RFX3: variants seen among roughly 807,000 people sequenced by gnomAD.
RFX3 encodes regulatory factor X3.
In RFX3, 14 loss-of-function variants were observed where a neutral mutation model predicts 98.6. The ratio of observed to expected loss-of-function variants is 0.14; its 90% CI spans 0.09 to 0.22. The LOEUF is 0.22. Ranked by LOEUF, RFX3 falls within the 10% of genes least tolerant of loss-of-function variation. RFX3 has a pLI of 1.00. For synonymous variants in RFX3, 383 were observed against 328.4 expected, an observed-to-expected ratio of 1.17 and a Z score of -1.80; for missense variants, 639 against 926.9, an observed-to-expected ratio of 0.69 and a Z score of 4.03.
At chr9:3,462,209 C>G (rs1847757793) in intron 1 of RFX3, among the ~76,000 whole-genome samples, 1 of 152,030 alleles carries the variant, frequency 6.6e-6, no homozygotes, top group Non-Finnish European at 1.5e-5. Flanking sequence ...TCAAACCCAG[C>G]AACATACATA....
rs1215839407 is a variant in RFX3, at chr9:3,504,161, TTATA to T, written c.-9+21582_-9+21585del. Among the ~76,000 whole-genome samples, 21 of 93,098 alleles carry T rather than the reference TTATA, an allele frequency of 2.3e-4. No individual in the cohort carries two copies. In the South Asian group the frequency reaches 5.1e-3, roughly 23 times the overall value. The allele number at this position is 93,098 out of a possible 152,430, so 61.1% of individuals were successfully genotyped here. A position where few individuals can be genotyped will look rare whatever the true frequency, so the allele number is the denominator to read the frequency against. ...TATTATATATTATACATATTATATA[TTATA>T]TATATTATATATTATACATATTATA... On this transcript the variant is annotated intron_variant, in intron 1 of 16. Coordinates refer to ENST00000617270, the MANE Select transcript of RFX3 (RefSeq NM_001282116.2).
rs541958505 is a variant in RFX3 at position 3,371,960 on chromosome 9, C to A, written c.117+23512G>T. Among the ~76,000 whole-genome samples the A allele has an allele frequency of 1.4e-4, 21 of 152,240 alleles. No individual in the cohort carries two copies. The South Asian group carries it at 3.9e-3, about 29-fold the overall frequency. ...AACAGAGGTGGCTATAAATTCATAT[C>A]TTTGAAAATGTTTAGCCACAATAGA... On this transcript the variant is annotated intron_variant, in intron 2 of 16. Coordinates refer to ENST00000617270, the MANE Select transcript of RFX3 (RefSeq NM_001282116.2).
intron 4 of RFX3, among the ~76,000 whole-genome samples, chr9:3,311,444 T>A (rs573431782): frequency 2.0e-4 from 31 of 152,228 alleles, no homozygotes; most frequent in African/African-American, 6.3e-4. Flanking sequence ...AAGAGGAGGG[T>A]ACATCCTATA....
At chr9:3,398,914 T>TAAAAAAAAAAAA (rs71324247) in intron 1 of RFX3, among the ~76,000 whole-genome samples, 21 of 67,542 alleles carry the variant, frequency 3.1e-4, no homozygotes, top group African/African-American at 4.8e-4. Context: ...TAGAGTATAA[T>TAAAAAAAAAAAA]AAAAAAAAAA....
At chr9:3,513,102 G>C (rs1192185286) in intron 1 of RFX3, among the ~76,000 whole-genome samples, 1 of 151,982 alleles carries the variant, frequency 6.6e-6, no homozygotes, top group Non-Finnish European at 1.5e-5. Flanking sequence ...AACCAAAATA[G>C]TACTGCACTA....
At chr9:3,313,966 G>A (rs951708890) in intron 4 of RFX3, among the ~76,000 whole-genome samples, 1 of 152,202 alleles carries the variant, frequency 6.6e-6, no homozygotes, top group Non-Finnish European at 1.5e-5. Context: ...TTATCCAGGA[G>A]AACTTCCCCA....
At chr9:3,504,255 T>C (rs1346323414) in intron 1 of RFX3, among the ~76,000 whole-genome samples, 1 of 132,582 alleles carries the variant, frequency 7.5e-6, no homozygotes, top group African/African-American at 2.9e-5. Flanking sequence ...ATATTTTATA[T>C]ATAATATATA....
chr9:3,388,553 T>C (rs1244382931), intron 2 of RFX3, among the ~76,000 whole-genome samples: 1 of 152,096 alleles, frequency 6.6e-6, no homozygotes, highest in African/African-American at 2.4e-5. Flanking sequence ...ACTCAGATTA[T>C]GAACAAAGTG....
chr9:3,220,824 C>CT lies in RFX3; in HGVS notation c.*4217dup, dbSNP rs1392054879. On this transcript the variant is annotated 3_prime_UTR_variant, in exon 17 of 17. Coordinates refer to ENST00000617270, the MANE Select transcript of RFX3 (RefSeq NM_001282116.2). ...ACTAGAACTAAGCACTGAATTAATG[C>CT]TTCTATTCCAGTTTTTAAAAATCAC... is the stretch of plus-strand genomic sequence containing the variant. 1 of 152,112 alleles carries CT rather than the reference C, an allele frequency of 6.6e-6. No homozygotes were observed. The highest frequency in any genetic ancestry group is 1.5e-5 in the Non-Finnish European group (1 of 68,028). 9.4% of individuals were successfully genotyped at this position (152,112 alleles called of 1,614,324 possible).
intron 1 of RFX3, among the ~76,000 whole-genome samples, chr9:3,510,913 T>C (rs1160838118): frequency 6.6e-6 from 1 of 152,046 alleles, no homozygotes; most frequent in South Asian, 2.1e-4. Context: ...TAATGTCAGT[T>C]AGAATTATAT....
chr9:3,439,529 A>G (rs531311506), intron 1 of RFX3, among the ~76,000 whole-genome samples: 16 of 152,142 alleles, frequency 1.1e-4, no homozygotes, highest in African/African-American at 2.2e-4. Context: ...CTTTATGCCA[A>G]TAAGTTTGAG....
intron 2 of RFX3, among the ~76,000 whole-genome samples, chr9:3,388,952 A>T (rs544621610): frequency 1.3e-5 from 2 of 152,262 alleles, no homozygotes; most frequent in East Asian, 3.9e-4. Flanking sequence ...ACAGACAGAG[A>T]TAGTAGAGAG....
At chr9:3,422,208 T>A (rs527423024) in intron 1 of RFX3, among the ~76,000 whole-genome samples, 46 of 152,300 alleles carry the variant, frequency 3.0e-4, no homozygotes, top group African/African-American at 8.2e-4. Flanking sequence ...ATGAACATTA[T>A]CCCACTCACC....
At chr9:3,331,268 T>G (rs1281468602) in intron 3 of RFX3, among the ~76,000 whole-genome samples, 1 of 152,190 alleles carries the variant, frequency 6.6e-6, no homozygotes, top group Non-Finnish European at 1.5e-5. Flanking sequence ...TCTTGTGACC[T>G]ATCTATAGTA....
chr9:3,482,993 A>T (rs1327060558), intron 1 of RFX3, among the ~76,000 whole-genome samples: 2 of 152,230 alleles, frequency 1.3e-5, no homozygotes, highest in African/African-American at 4.8e-5. Flanking sequence ...TTTTGAGTTT[A>T]GCCATTGTAC....
At chr9:3,431,309 C>T (rs569170252) in intron 1 of RFX3, among the ~76,000 whole-genome samples, 1 of 152,178 alleles carries the variant, frequency 6.6e-6, no homozygotes, top group Non-Finnish European at 1.5e-5. Context: ...ACTAGTGATG[C>T]TGCAAGTGCT....
intron 2 of RFX3, among the ~76,000 whole-genome samples, chr9:3,370,756 T>G (rs974602620): frequency 6.6e-6 from 1 of 152,174 alleles, no homozygotes. Flanking sequence ...TTCTCCACTA[T>G]ATAAAATACA....
At chr9:3,248,632 C>A (rs1820992751) in intron 14 of RFX3, among the ~76,000 whole-genome samples, 2 of 152,180 alleles carry the variant, frequency 1.3e-5, no homozygotes, top group South Asian at 4.1e-4. Flanking sequence ...AGATGCATTT[C>A]TGCCAGACAA....
At chr9:3,488,241 G>A (rs1372877099) in intron 1 of RFX3, among the ~76,000 whole-genome samples, 1 of 152,104 alleles carries the variant, frequency 6.6e-6, no homozygotes, top group Non-Finnish European at 1.5e-5. Context: ...GATAATTTAA[G>A]ATAAGCTCAT....
Sources: allele counts gnomAD v4.1 joint callset (sites outside exome capture counted in the v4.1 genomes callset), GRCh38; gene constraint gnomAD v4.1.1; transcripts MANE v1.5; gene names NCBI Gene and HGNC (gene_info 2026-07-23, HGNC 2026-07-21).